KCNN3: variants seen among roughly 807,000 people sequenced by gnomAD.
KCNN3 encodes the protein small conductance calcium-activated potassium channel protein 3.
A neutral mutation model predicts 62.9 loss-of-function variants in KCNN3; 16 were observed. The observed-to-expected ratio is 0.25, with a 90% confidence interval of 0.17 to 0.39. The LOEUF (loss-of-function observed/expected upper bound fraction) is 0.39, where lower values mean the gene tolerates loss of function less well. Ranked by LOEUF, KCNN3 falls within the 10% of genes least tolerant of loss-of-function variation. The pLI, the probability that KCNN3 is intolerant of heterozygous loss-of-function variation, is 1.00. For synonymous variants in KCNN3, 370 were observed against 389.2 expected, an observed-to-expected ratio of 0.95 and a Z score of 0.58; for missense variants, 599 against 949.4, an observed-to-expected ratio of 0.63 and a Z score of 4.85.
At chr1:154,845,131 C>G (rs993581992) in intron 1 of KCNN3, among the ~76,000 whole-genome samples, 1 of 152,192 alleles carries the variant, frequency 6.6e-6, no homozygotes, top group East Asian at 1.9e-4. Flanking sequence ...ATTTCCCCTG[C>G]CCAAGATAGA....
chr1:154,815,080 A>C (rs2101888104), intron 2 of KCNN3, among the ~76,000 whole-genome samples: 2 of 152,106 alleles, frequency 1.3e-5, no homozygotes, highest in South Asian at 4.2e-4. Flanking sequence ...CCCTCCTTCC[A>C]TCTGCTCATC....
At chr1:154,749,145 G>C (rs1442481039) in intron 3 of KCNN3, among the ~76,000 whole-genome samples, 1 of 152,212 alleles carries the variant, frequency 6.6e-6, no homozygotes, top group Non-Finnish European at 1.5e-5. Flanking sequence ...ATGCTTCCCA[G>C]GAGAGTAAGA....
Position 154,870,042 on chromosome 1 carries a change from A to G in KCNN3, c.-78T>C. 6.6e-7 allele frequency: 1 copy of G among 1,507,114 alleles called. No individual in the cohort carries two copies. The highest frequency in any genetic ancestry group is 9.1e-7 in the Non-Finnish European group (1 of 1,102,514). The allele number at this position is 1,507,114 out of a possible 1,614,324, so 93.4% of individuals were successfully genotyped here. ...CTCGCTCCAAAGATGTCCTCAAAGA[A>G]AGCCAGGCATCCAATCTCCCCCACC... On this transcript the variant is annotated 5_prime_UTR_variant, in exon 1 of 8. Transcript: ENST00000271915.
intron 5 of KCNN3, among the ~76,000 whole-genome samples, chr1:154,719,165 A>G (rs1243993422): frequency 6.6e-6 from 1 of 152,134 alleles, no homozygotes; most frequent in Non-Finnish European, 1.5e-5. Flanking sequence ...GAGCCCTGGG[A>G]AATTCCAGGG....
rs1217743634 is a variant in KCNN3 at position 154,705,138 on chromosome 1, G to A, written c.*2838C>T. Reference sequence around the variant, plus strand: ...CACAAAACTTGAAAATAAGGTACAAGAAGGCATGACATGAGAATCCACCTG... The same window carrying A: ...CACAAAACTTGAAAATAAGGTACAAAAAGGCATGACATGAGAATCCACCTG... On this transcript the variant is annotated 3_prime_UTR_variant, in exon 8 of 8. Transcript: ENST00000271915. 1 of 152,148 alleles carries A rather than the reference G, an allele frequency of 6.6e-6. No individual in the cohort carries two copies. Among genetic ancestry groups the A allele is most frequent in the Non-Finnish European group, 1.5e-5 (1 of 68,032 alleles). The allele number at this position is 152,148 out of a possible 1,614,324, so 9.4% of individuals were successfully genotyped here. A position where few individuals can be genotyped will look rare whatever the true frequency, so the allele number is the denominator to read the frequency against.
intron 3 of KCNN3, among the ~76,000 whole-genome samples, chr1:154,751,707 G>C (rs1327676927): frequency 6.6e-6 from 1 of 152,138 alleles, no homozygotes; most frequent in East Asian, 1.9e-4. Context: ...TGACCCCAGA[G>C]AAGCTCCCAG....
chr1:154,748,068 G>A (rs905352706), intron 3 of KCNN3, among the ~76,000 whole-genome samples: 6 of 152,170 alleles, frequency 3.9e-5, no homozygotes, highest in South Asian at 2.1e-4. Context: ...TTGGTTTGTC[G>A]GTCGGCAGGT....
chr1:154,808,551 A>T (rs1332401095), intron 2 of KCNN3, among the ~76,000 whole-genome samples: 1 of 152,144 alleles, frequency 6.6e-6, no homozygotes, highest in African/African-American at 2.4e-5. Flanking sequence ...CCATTAGATC[A>T]CAAGCCTGTT....
intron 2 of KCNN3, among the ~76,000 whole-genome samples, chr1:154,797,818 G>T (rs1571286306): frequency 6.6e-6 from 1 of 152,200 alleles, no homozygotes; most frequent in Non-Finnish European, 1.5e-5. Flanking sequence ...TGGACACAGG[G>T]GTGTGGCTCT....
intron 3 of KCNN3, among the ~76,000 whole-genome samples, chr1:154,753,568 C>T (rs774243189): frequency 2.6e-5 from 4 of 152,218 alleles, no homozygotes; most frequent in Non-Finnish European, 4.4e-5. Context: ...CACAGGCGAT[C>T]GGGGTCCCAA....
intron 1 of KCNN3, among the ~76,000 whole-genome samples, chr1:154,864,076 C>T (rs539161907): frequency 6.6e-5 from 10 of 152,366 alleles, no homozygotes; most frequent in Non-Finnish European, 1.5e-4. Context: ...TGGGCCGACA[C>T]ACTCAGTGTG....
At chr1:154,716,883 A>G (rs1297559585) in intron 5 of KCNN3, among the ~76,000 whole-genome samples, 2 of 152,188 alleles carry the variant, frequency 1.3e-5, no homozygotes, top group Non-Finnish European at 2.9e-5. Context: ...TCTGCAGAGC[A>G]CACATTTAAT....
chr1:154,843,872 G>C (rs1651934016), intron 1 of KCNN3, among the ~76,000 whole-genome samples: 1 of 152,228 alleles, frequency 6.6e-6, no homozygotes, highest in Non-Finnish European at 1.5e-5. Flanking sequence ...AGGGAAGGCT[G>C]TCTGGACATG....
chr1:154,852,556 G>A (rs1652347984), intron 1 of KCNN3, among the ~76,000 whole-genome samples: 1 of 151,968 alleles, frequency 6.6e-6, no homozygotes, highest in African/African-American at 2.4e-5. Context: ...TCTAAATACA[G>A]ATCAAGTATC....
At chr1:154,816,372 T>C (rs1233900230) in intron 2 of KCNN3, among the ~76,000 whole-genome samples, 1 of 152,198 alleles carries the variant, frequency 6.6e-6, no homozygotes, top group African/African-American at 2.4e-5. Context: ...AAGCTCCCAT[T>C]CTGGGACTGG....
chr1:154,764,842 C>G (rs1648183534), intron 3 of KCNN3, among the ~76,000 whole-genome samples: 1 of 152,146 alleles, frequency 6.6e-6, no homozygotes, highest in Admixed American at 6.5e-5. Context: ...CAATGTCTGC[C>G]TTTCTTTACA....
intron 5 of KCNN3, among the ~76,000 whole-genome samples, chr1:154,723,965 A>G (rs1700409661): frequency 6.6e-6 from 1 of 152,222 alleles, no homozygotes; most frequent in Non-Finnish European, 1.5e-5. Context: ...CCTTACTGTG[A>G]TAACAGCCTT....
intron 1 of KCNN3, among the ~76,000 whole-genome samples, chr1:154,864,760 G>A (rs925826871): frequency 6.6e-6 from 1 of 152,252 alleles, no homozygotes; most frequent in Non-Finnish European, 1.5e-5. Flanking sequence ...CCACAGAGAG[G>A]AGCAGAGGGG....
At chr1:154,761,205 A>G (rs1441977744) in intron 3 of KCNN3, among the ~76,000 whole-genome samples, 4 of 152,238 alleles carry the variant, frequency 2.6e-5, no homozygotes, top group Admixed American at 2.6e-4. Flanking sequence ...ACATGTATGA[A>G]AATCACATGT....
Sources: gnomAD v4.1 joint callset for allele counts (sites outside exome capture counted in the v4.1 genomes callset) on GRCh38, gnomAD v4.1.1 for gene constraint, MANE v1.5 for transcripts, NCBI Gene and HGNC (gene_info 2026-07-23, HGNC 2026-07-21) for gene names.